The following KDM4C variants were observed in gnomAD, a reference collection of about 807,000 sequenced individuals.
KDM4C encodes the protein lysine-specific demethylase 4C.
KDM4C carries 81 observed loss-of-function variants against 129.3 expected under a neutral mutation model. That is an observed-to-expected ratio of 0.63 (90% CI 0.52 to 0.75). The LOEUF (loss-of-function observed/expected upper bound fraction) is 0.75, where lower values mean the gene tolerates loss of function less well. KDM4C is among the 30% of genes least tolerant of loss of function. The pLI, the probability that KDM4C is intolerant of heterozygous loss-of-function variation, is 0.00. For synonymous variants in KDM4C, 573 were observed against 456.1 expected (o/e 1.26, Z -3.26); for missense variants, 1,457 against 1,304.0 (o/e 1.12, Z -1.81).
intron 11 of KDM4C, among the ~76,000 whole-genome samples, chr9:6,987,656 A>G (rs1212751449): frequency 1.3e-5 from 2 of 152,128 alleles, no homozygotes; most frequent in Non-Finnish European, 2.9e-5. Flanking sequence ...AGCTTTGAAT[A>G]CCTTGCGTCT....
intron 17 of KDM4C, among the ~76,000 whole-genome samples, 166 bp from the exon 18 acceptor site, chr9:7,103,519 C>A (rs531949463): frequency 6.6e-6 from 1 of 151,930 alleles, no homozygotes; most frequent in Non-Finnish European, 1.5e-5. Context: ...GATTACATTG[C>A]CACAGATGCT....
chr9:6,924,734 T>G (rs1266548221), intron 8 of KDM4C: 1 of 981,538 alleles, frequency 1.0e-6, no homozygotes, highest in African/African-American at 1.7e-5. Flanking sequence ...GGATTTTGTC[T>G]GAGGAGTTTT....
At chr9:7,007,777 A>T (rs1258670577) in intron 12 of KDM4C, among the ~76,000 whole-genome samples, 2 of 152,314 alleles carry the variant, frequency 1.3e-5, no homozygotes, top group South Asian at 4.2e-4. Flanking sequence ...CTTACTGGAA[A>T]TCACACCAGG....
intron 16 of KDM4C, 50 bp downstream of exon 16, chr9:7,046,967 T>C (rs754693282): frequency 4.6e-6 from 6 of 1,313,710 alleles, no homozygotes; most frequent in Non-Finnish European, 6.6e-6. Flanking sequence ...CTTTCTCCAT[T>C]CTAGAACCTT....
At chr9:7,154,516 C>G (rs1452242697) in intron 19 of KDM4C, among the ~76,000 whole-genome samples, 1 of 152,164 alleles carries the variant, frequency 6.6e-6, no homozygotes, top group East Asian at 1.9e-4. Flanking sequence ...TTCTAGGGAT[C>G]CCTTTAGAAG....
At chr9:6,848,316 T>C (rs1004260891) in intron 4 of KDM4C, among the ~76,000 whole-genome samples, 1 of 152,184 alleles carries the variant, frequency 6.6e-6, no homozygotes, top group Non-Finnish European at 1.5e-5. Context: ...GATAAAAATA[T>C]ATGGTAAAAA....
chr9:7,010,021 A>G (rs966601733), intron 12 of KDM4C, among the ~76,000 whole-genome samples: 3 of 152,302 alleles, frequency 2.0e-5, no homozygotes, highest in South Asian at 2.1e-4. Context: ...TAAATCTATT[A>G]TAAAAAGTTA....
chr9:6,805,557 G>T, intron 2 of KDM4C, 42 bp from the exon 3 acceptor site: 1 of 1,425,670 alleles, frequency 7.0e-7, no homozygotes, highest in South Asian at 1.4e-5. Flanking sequence ...ATTACTTGGA[G>T]TATTTTCAAG....
chr9:6,996,559 G>T (rs1253744321), intron 12 of KDM4C, among the ~76,000 whole-genome samples: 1 of 152,210 alleles, frequency 6.6e-6, no homozygotes, highest in African/African-American at 2.4e-5. Flanking sequence ...CCTTGGTTAA[G>T]AGATGAGGTT....
chr9:6,899,889 T>A (rs1410876646), intron 8 of KDM4C, among the ~76,000 whole-genome samples: 1 of 152,246 alleles, frequency 6.6e-6, no homozygotes, highest in Admixed American at 6.5e-5. Context: ...TGTTTAGTTC[T>A]TAACCTGAAA....
intron 4 of KDM4C, among the ~76,000 whole-genome samples, chr9:6,836,130 C>A (rs1835829214): frequency 6.6e-6 from 1 of 152,098 alleles, no homozygotes; most frequent in African/African-American, 2.4e-5. Flanking sequence ...TGTACACTGA[C>A]TTGAGACCAG....
intron 17 of KDM4C, among the ~76,000 whole-genome samples, chr9:7,102,309 C>CTTTTTTTTTTTTTTTTTTTTTTT (rs34614459): frequency 1.1e-5 from 1 of 89,978 alleles, no homozygotes; most frequent in Non-Finnish European, 2.1e-5. Context: ...ATGGTTTTCC[C>CTTTTTTTTTTTTTTTTTTTTTTT]TTTTTTTTTT....
chr9:6,751,935 A>G (rs1191357095), intron 1 of KDM4C, among the ~76,000 whole-genome samples: 1 of 152,172 alleles, frequency 6.6e-6, no homozygotes, highest in African/African-American at 2.4e-5. Flanking sequence ...TTACAAGGCA[A>G]CATTTTGTTC....
intron 4 of KDM4C, among the ~76,000 whole-genome samples, chr9:6,820,098 G>C (rs930018985): frequency 6.6e-6 from 1 of 152,146 alleles, no homozygotes; most frequent in Non-Finnish European, 1.5e-5. Context: ...AGATGGATAC[G>C]AATCCTGCTT....
intron 8 of KDM4C, among the ~76,000 whole-genome samples, chr9:6,952,621 A>C (rs1225549387): frequency 6.6e-6 from 1 of 151,708 alleles, no homozygotes; most frequent in Non-Finnish European, 1.5e-5. Context: ...TTGTGTTTTT[A>C]GTAGAGACGG....
At chr9:6,899,869 A>G (rs1429874066) in intron 8 of KDM4C, among the ~76,000 whole-genome samples, 3 of 152,218 alleles carry the variant, frequency 2.0e-5, no homozygotes, top group African/African-American at 4.8e-5. Context: ...GATAAGCCTC[A>G]TGATGCTGAT....
At chr9:6,941,196 A>T (rs1825872844) in intron 8 of KDM4C, among the ~76,000 whole-genome samples, 1 of 152,104 alleles carries the variant, frequency 6.6e-6, no homozygotes, top group Non-Finnish European at 1.5e-5. Flanking sequence ...TGTGGCAGAG[A>T]TAGGGTTTCA....
intron 17 of KDM4C, among the ~76,000 whole-genome samples, chr9:7,052,313 C>G (rs1051519630): frequency 1.3e-5 from 2 of 152,146 alleles, no homozygotes; most frequent in Non-Finnish European, 2.9e-5. Context: ...GAATACTAAT[C>G]AAGTTTCACC....
At chr9:6,815,714 T>C (rs1430501341) in intron 4 of KDM4C, among the ~76,000 whole-genome samples, 1 of 152,222 alleles carries the variant, frequency 6.6e-6, no homozygotes, top group African/African-American at 2.4e-5. Flanking sequence ...TTTGGGATTT[T>C]GGAGCATTTT....
Sources: allele counts gnomAD v4.1 joint callset (sites outside exome capture counted in the v4.1 genomes callset), GRCh38; gene constraint gnomAD v4.1.1; transcripts MANE v1.5; gene names NCBI Gene and HGNC (gene_info 2026-07-23, HGNC 2026-07-21).